The following MPHOSPH6 variants were observed in gnomAD, a reference collection of about 807,000 sequenced individuals.
MPHOSPH6 encodes M-phase phosphoprotein 6.
In MPHOSPH6, 25 loss-of-function variants were observed where a neutral mutation model predicts 21.8. The observed-to-expected ratio is 1.15, with a 90% CI of 0.83 to 1.60. MPHOSPH6 has a LOEUF of 1.60. MPHOSPH6 is among the 40% of genes most tolerant of loss of function. MPHOSPH6 has a pLI of 0.00. For missense variants in MPHOSPH6, 269 were observed against 181.8 expected (o/e 1.48, Z -2.76); for synonymous variants, 84 against 56.5 (o/e 1.49, Z -2.18).
chr16:82,151,477 C>T lies in MPHOSPH6; in HGVS notation c.202G>A (p.Glu68Lys), dbSNP rs750763931. 2 of 1,605,342 alleles carry T rather than the reference C, an allele frequency of 1.2e-6. No individual in the cohort carries two copies. Residue 68 changes from glutamate (E) to lysine (K), a missense_variant, in exon 3 of 5, where the codon GAA becomes AAA. Physicochemically the swap from Glu to Lys is moderately conservative, Grantham distance 56. Coordinates refer to ENST00000258169, the MANE Select transcript of MPHOSPH6 (RefSeq NM_005792.2). ...GACATTCTTCCATAGAGAAGATCTT[C>T]ACATAGTAAGAAACTCTGCTCTTCT... ...IIEEQSFLLC[E>K]DLLYGRMSFR...
intron 3 of MPHOSPH6, 47 bp from the exon 4 acceptor site, chr16:82,149,450 A>T (rs1840639690): frequency 1.9e-6 from 3 of 1,542,406 alleles, no homozygotes; most frequent in Admixed American, 1.7e-5. Context: ...AACGCTTGTG[A>T]AAGGAACTGA....
rs149893901 is a variant in MPHOSPH6, at chr16:82,169,778, A to C, written c.51+347T>G. 3.4e-3 allele frequency among the ~76,000 whole-genome samples: 522 copies of C among 152,334 alleles called. 1 individual carries two copies. The highest frequency in any genetic ancestry group is 0.012 in the African/African-American group (502 of 41,572). On this transcript the variant is annotated intron_variant, in intron 1 of 4. Coordinates refer to ENST00000258169, the MANE Select transcript of MPHOSPH6 (RefSeq NM_005792.2). Reference sequence around the variant, plus strand: ...TAAGGAGTTACACTTCCCATATATCATATTTATTGCATATATAAGTAAGCA... The same window carrying C: ...TAAGGAGTTACACTTCCCATATATCCTATTTATTGCATATATAAGTAAGCA...
In MPHOSPH6 at chr16:82,158,873, T is replaced by G. The variant is rs1315973943; in HGVS notation, c.164+5209A>C. Among the ~76,000 whole-genome samples, 4 of 152,208 alleles carry G rather than the reference T, an allele frequency of 2.6e-5. No homozygotes were observed. In the East Asian group the frequency reaches 7.7e-4, roughly 29 times the overall value. On this transcript the variant is annotated intron_variant, in intron 2 of 4. Transcript: ENST00000258169. ...TTTGATATTGTATAACAAGATGAGT[T>G]AACACTGGGAAAATCTATACAACTC...
chr16:82,162,002 C>A (rs1006080321), intron 2 of MPHOSPH6, among the ~76,000 whole-genome samples: 1 of 152,306 alleles, frequency 6.6e-6, no homozygotes, highest in African/African-American at 2.4e-5. Context: ...AAAAAGGATA[C>A]ACAAACATAA....
chr16:82,151,464 T>G lies in MPHOSPH6; in HGVS notation c.215A>C (p.Tyr72Ser), dbSNP rs550603908. Residue 72 changes from tyrosine (Y) to serine (S), a missense_variant, in exon 3 of 5, where the codon TAT becomes TCT. Transcript: ENST00000258169. ...QSFLLCEDLL[Y>S]GRMSFRGFNP... ...AAATCCTCTGAATGACATTCTTCCA[T>G]AGAGAAGATCTTCACATAGTAAGAA... 6.2e-6 allele frequency: 10 copies of G among 1,607,322 alleles called. No individual in the cohort carries two copies. The South Asian group carries it at 1.0e-4, about 16-fold the overall frequency.
chr16:82,164,519 CCCT>C (rs1567615788), intron 1 of MPHOSPH6: 1 of 224,010 alleles, frequency 4.5e-6, no homozygotes, highest in African/African-American at 2.3e-5. Flanking sequence ...GGTTGAAATG[CCCT>C]TCTTATCCTC....
chr16:82,157,010 C>T (rs1471542001), intron 2 of MPHOSPH6, among the ~76,000 whole-genome samples: 1 of 151,984 alleles, frequency 6.6e-6, no homozygotes, highest in African/African-American at 2.4e-5. Flanking sequence ...GCGGTTGCGC[C>T]AGTGCACTGT....
chr16:82,151,632 C>T, intron 2 of MPHOSPH6, 118 bp from the exon 3 acceptor site: 1 of 1,298,710 alleles, frequency 7.7e-7, no homozygotes, highest in Non-Finnish European at 1.0e-6. Context: ...AGTAAAAATA[C>T]AGTAAGATTT....
At chr16:82,159,031 A>G (rs1217062142) in intron 2 of MPHOSPH6, among the ~76,000 whole-genome samples, 1 of 152,250 alleles carries the variant, frequency 6.6e-6, no homozygotes, top group African/African-American at 2.4e-5. Context: ...TACTCTGAAG[A>G]AACTACTACT....
chr16:82,167,555 G>C (rs1340525760), intron 1 of MPHOSPH6: 1 of 155,642 alleles, frequency 6.4e-6, no homozygotes, highest in East Asian at 1.9e-4. Context: ...TGAAGAATCA[G>C]TGGAAGACCT....
chr16:82,149,602 AG>A (rs1323225322), intron 3 of MPHOSPH6, among the ~76,000 whole-genome samples, 199 bp from the exon 4 acceptor site: 1 of 152,254 alleles, frequency 6.6e-6, no homozygotes, highest in East Asian at 1.9e-4. Context: ...AGTAAGGCAA[AG>A]CCCCACTGAA....
At chr16:82,165,601 T>A (rs1019452252) in intron 1 of MPHOSPH6, among the ~76,000 whole-genome samples, 1 of 152,174 alleles carries the variant, frequency 6.6e-6, no homozygotes, top group African/African-American at 2.4e-5. Flanking sequence ...ATGACAGTGG[T>A]CCCATAAGAT....
chr16:82,150,495 T>C (rs1424532105), intron 3 of MPHOSPH6, among the ~76,000 whole-genome samples: 1 of 152,218 alleles, frequency 6.6e-6, no homozygotes, highest in Non-Finnish European at 1.5e-5. Context: ...AAAACTAACC[T>C]AGAATCTTTC....
chr16:82,161,579 G>A (rs1906609756), intron 2 of MPHOSPH6, among the ~76,000 whole-genome samples: 2 of 152,092 alleles, frequency 1.3e-5, no homozygotes, highest in South Asian at 2.1e-4. Context: ...ACACTATATC[G>A]GGTTCCCTGG....
In MPHOSPH6 at chr16:82,148,905, A is replaced by C. The variant is rs138408785; in HGVS notation, c.351-42T>G. 220 of 1,609,752 alleles carry C rather than the reference A, an allele frequency of 1.4e-4. No homozygotes were observed. The African/African-American group carries it at 2.1e-3, about 15-fold the overall frequency. ...CAGCACACGTTTAATTTCAAATAAA[A>C]AGGTAGGGATCAAGCCTTGTCAAGA... On this transcript the variant is annotated intron_variant, in intron 4 of 4. Transcript: ENST00000258169.
intron 2 of MPHOSPH6, among the ~76,000 whole-genome samples, chr16:82,154,021 T>C (rs1412502155): frequency 6.6e-6 from 1 of 152,150 alleles, no homozygotes; most frequent in Non-Finnish European, 1.5e-5. Flanking sequence ...AATTTACTCA[T>C]ATACCAGCAA....
intron 2 of MPHOSPH6, among the ~76,000 whole-genome samples, chr16:82,161,055 C>T (rs987632154): frequency 6.6e-6 from 1 of 152,156 alleles, no homozygotes; most frequent in Non-Finnish European, 1.5e-5. Context: ...ACCCCTTGCT[C>T]CCATCATATT....
chr16:82,156,445 T>C (rs904220227), intron 2 of MPHOSPH6, among the ~76,000 whole-genome samples: 2 of 152,104 alleles, frequency 1.3e-5, no homozygotes, highest in Non-Finnish European at 2.9e-5. Context: ...AACAAAACTT[T>C]CTCAATTTTT....
At chr16:82,164,234 A>G (rs933313781) in intron 1 of MPHOSPH6, 40 bp from the exon 2 acceptor site, 2 of 1,349,762 alleles carry the variant, frequency 1.5e-6, no homozygotes, top group African/African-American at 2.9e-5. Context: ...AACTTTTCCC[A>G]TTTTAGAACT....
Sources: gnomAD v4.1 joint callset for allele counts (sites outside exome capture counted in the v4.1 genomes callset) on GRCh38, gnomAD v4.1.1 for gene constraint, MANE v1.5 for transcripts, NCBI Gene and HGNC (gene_info 2026-07-23, HGNC 2026-07-21) for gene names.